AGBL1: variants seen among roughly 807,000 people sequenced by gnomAD.
The protein encoded by AGBL1 is cytosolic carboxypeptidase 4.
Under a neutral mutation model 118.9 loss-of-function variants are expected in AGBL1, and 130 were observed. The ratio of observed to expected loss-of-function variants is 1.09; its 90% CI spans 0.95 to 1.26. The LOEUF (loss-of-function observed/expected upper bound fraction) is 1.26, where lower values mean the gene tolerates loss of function less well. Among genes scored for constraint, AGBL1 ranks in the 50% most tolerant of loss-of-function variants. The probability of loss-of-function intolerance (pLI) is 0.00; values close to 1 mark genes in which losing one functional copy is unlikely to be tolerated. For synonymous variants in AGBL1, 555 were observed against 478.9 expected (o/e 1.16, Z -2.08); for missense variants, 1,584 against 1,298.1 (o/e 1.22, Z -3.38).
intron 21 of AGBL1, among the ~76,000 whole-genome samples, chr15:86,602,857 GCCTT>G (rs2084517334): frequency 6.6e-6 from 1 of 152,146 alleles, no homozygotes; most frequent in African/African-American, 2.4e-5. Context: ...GATATCAAAA[GCCTT>G]CCTTCTAAGT....
chr15:86,728,125 G>T (rs962620960), intron 22 of AGBL1, among the ~76,000 whole-genome samples: 1 of 152,172 alleles, frequency 6.6e-6, no homozygotes, highest in African/African-American at 2.4e-5. Context: ...GCCTGGCAAA[G>T]GGTCTAACAG....
intron 1 of AGBL1, among the ~76,000 whole-genome samples, chr15:86,114,590 A>G (rs1273937770): frequency 9.9e-5 from 15 of 152,218 alleles, no homozygotes; most frequent in Non-Finnish European, 2.2e-4. Context: ...CTCTAAAACA[A>G]AAAGAAGTTT....
chr15:86,081,639 A>G (rs1291821595), intron 1 of AGBL1, among the ~76,000 whole-genome samples: 2 of 152,192 alleles, frequency 1.3e-5, no homozygotes, highest in Non-Finnish European at 2.9e-5. Flanking sequence ...ATCTGGCTAG[A>G]TTTATTTGAT....
intron 5 of AGBL1, among the ~76,000 whole-genome samples, chr15:86,222,539 C>A (rs2078296076): frequency 6.6e-6 from 1 of 152,230 alleles, no homozygotes; most frequent in Middle Eastern, 3.4e-3. Context: ...ATTTAAAAAA[C>A]CAAATGGCTT....
chr15:86,826,931 G>C (rs560857883), intron 22 of AGBL1, among the ~76,000 whole-genome samples: 1 of 152,064 alleles, frequency 6.6e-6, no homozygotes, highest in Admixed American at 6.6e-5. Context: ...TAAGAACACT[G>C]TCATAGTAAT....
chr15:86,615,091 A>G lies in AGBL1; in HGVS notation c.2995-59182A>G, dbSNP rs117274686. 5.3e-5 allele frequency among the ~76,000 whole-genome samples: 8 copies of G among 152,340 alleles called. No homozygotes were observed. The East Asian group carries it at 1.4e-3, about 26-fold the overall frequency. ...TAGAAAAGGTTAGGACTAGAATGTC[A>G]AATGTCTTGAGTGACACATTAAGCA... On this transcript the variant is annotated intron_variant, in intron 21 of 22. Transcript: ENST00000614907. The surrounding 1 kb of genome is among the most constrained non-coding windows in gnomAD (Gnocchi z 4.3).
chr15:86,286,116 C>A (rs933110394), intron 16 of AGBL1, among the ~76,000 whole-genome samples: 1 of 149,406 alleles, frequency 6.7e-6, no homozygotes, highest in Non-Finnish European at 1.5e-5. Flanking sequence ...TTTTCTTTTT[C>A]TTTTTTTTTA....
intron 22 of AGBL1, among the ~76,000 whole-genome samples, chr15:86,857,242 C>T (rs562436326): frequency 7.2e-5 from 11 of 152,198 alleles, no homozygotes; most frequent in Non-Finnish European, 1.0e-4. Context: ...CTATTCCCTA[C>T]GTGTCAACCA....
At chr15:86,769,586 C>T (rs1375611388) in intron 22 of AGBL1, among the ~76,000 whole-genome samples, 1 of 151,944 alleles carries the variant, frequency 6.6e-6, no homozygotes, top group Non-Finnish European at 1.5e-5. Flanking sequence ...GACTGATGCC[C>T]TGGCCTGGCC....
At chr15:86,550,396 G>C (rs1294515345) in intron 20 of AGBL1, among the ~76,000 whole-genome samples, 1 of 152,024 alleles carries the variant, frequency 6.6e-6, no homozygotes, top group African/African-American at 2.4e-5. Context: ...ACATGCTTTT[G>C]ATTCAATAAT....
intron 22 of AGBL1, among the ~76,000 whole-genome samples, chr15:86,686,261 G>A (rs1455404826): frequency 6.6e-6 from 1 of 152,074 alleles, no homozygotes; most frequent in Admixed American, 6.6e-5. Flanking sequence ...TCTCCTATCA[G>A]TGAAGTGCTG....
chr15:86,849,137 T>C (rs1310959031), intron 22 of AGBL1, among the ~76,000 whole-genome samples: 1 of 152,240 alleles, frequency 6.6e-6, no homozygotes, highest in African/African-American at 2.4e-5. Context: ...ATGCCTTGCT[T>C]ATCCATCGCC....
At chr15:86,733,042 T>G (rs2077547122) in intron 22 of AGBL1, among the ~76,000 whole-genome samples, 1 of 148,486 alleles carries the variant, frequency 6.7e-6, no homozygotes, top group Admixed American at 6.8e-5. Context: ...TACATGTATA[T>G]CCCGTATATA....
intron 12 of AGBL1, 97 bp from the exon 13 acceptor site, chr15:86,266,893 C>A: frequency 9.3e-7 from 1 of 1,077,274 alleles, no homozygotes; most frequent in Non-Finnish European, 1.4e-6. Flanking sequence ...GAGTGAGATT[C>A]TGTCTCAAAA....
chr15:86,707,926 G>C (rs1246612894), intron 22 of AGBL1, among the ~76,000 whole-genome samples: 2 of 152,052 alleles, frequency 1.3e-5, no homozygotes, highest in African/African-American at 2.4e-5. Flanking sequence ...GGAAATGGAG[G>C]GTTAATAGAG....
rs754628179 is a variant in AGBL1 at position 86,270,079 on chromosome 15, TG to T, written c.1987+16del. 6.2e-7 allele frequency: 1 copy of T among 1,605,886 alleles called. No individual in the cohort carries two copies. Among genetic ancestry groups the T allele is most frequent in the Non-Finnish European group, 8.5e-7 (1 of 1,176,092 alleles). On this transcript the variant is annotated intron_variant, in intron 14 of 22. Transcript: ENST00000614907. ...CCAGTTTAATTATGGTATGAACGCT[TG>T]GGGAGCAGGGGCTTTCTGGAACATG...
Position 86,295,343 on chromosome 15 carries a change from C to T in AGBL1, c.2309C>T (p.Pro770Leu), listed in dbSNP as rs370819074. The change falls in exon 17 of 23, where the codon CCG becomes CTG. Residue 770 changes from proline to leucine, a missense_variant. Physicochemically the swap from Pro to Leu is moderately conservative, Grantham distance 98 (BLOSUM62 -3). Transcript: ENST00000614907. ...CTCTGCCAGACGCTGGGAGGGAATC[C>T]GTGTCCCTTGGTGACCATCACGGCC... ...DVLCQTLGGN[P>L]CPLVTITAMP... 73 of 1,612,914 alleles carry T rather than the reference C, an allele frequency of 4.5e-5. No homozygotes were observed. The highest frequency in any genetic ancestry group is 6.7e-5 in the African/African-American group (5 of 74,954).
chr15:86,723,032 A>G (rs2086753467), intron 22 of AGBL1, among the ~76,000 whole-genome samples: 1 of 152,224 alleles, frequency 6.6e-6, no homozygotes, highest in African/African-American at 2.4e-5. Context: ...GTGGAGAAAT[A>G]GGAACACTTT....
intron 5 of AGBL1, among the ~76,000 whole-genome samples, chr15:86,187,851 G>C (rs193149531): frequency 8.5e-5 from 13 of 152,236 alleles, no homozygotes; most frequent in African/African-American, 2.2e-4. Flanking sequence ...CTTCCCTAAG[G>C]CTTGCTCAAA....
Sources: allele counts gnomAD v4.1 joint callset (sites outside exome capture counted in the v4.1 genomes callset), GRCh38; gene constraint gnomAD v4.1.1; non-coding constraint Gnocchi (gnomAD v3.1); transcripts MANE v1.5; gene names NCBI Gene and HGNC (gene_info 2026-07-23, HGNC 2026-07-21).